The following NRG3 variants were observed in gnomAD, a reference collection of about 807,000 sequenced individuals.
The protein encoded by NRG3 is neuregulin 3.
NRG3 carries 31 observed loss-of-function variants against 66.9 expected under a neutral mutation model. That is an observed-to-expected ratio of 0.46 (90% CI 0.35 to 0.63). NRG3 has a LOEUF of 0.63. Ranked by LOEUF, NRG3 falls within the 20% of genes least tolerant of loss-of-function variation. NRG3 has a pLI of 0.00. For missense variants in NRG3, 910 were observed against 878.9 expected (o/e 1.04, Z -0.45); for synonymous variants, 393 against 359.4 (o/e 1.09, Z -1.06).
intron 3 of NRG3, among the ~76,000 whole-genome samples, chr10:82,742,030 A>G (rs535945): frequency 0.55 from 83,092 of 151,832 alleles, 23,410 homozygotes; most frequent in East Asian, 0.64. Context: ...CTGTATGCTC[A>G]GGAAATAAGC....
At chr10:82,157,474 T>C (rs899213376) in intron 1 of NRG3, among the ~76,000 whole-genome samples, 1 of 151,720 alleles carries the variant, frequency 6.6e-6, no homozygotes. Flanking sequence ...TATGTCAAGG[T>C]CAAACTGATA....
At chr10:82,419,372 TG>T (rs1364951672) in intron 2 of NRG3, among the ~76,000 whole-genome samples, 6 of 152,190 alleles carry the variant, frequency 3.9e-5, no homozygotes, top group Non-Finnish European at 8.8e-5. Flanking sequence ...TGCTTAGGTT[TG>T]GAACAACACA....
intron 6 of NRG3, among the ~76,000 whole-genome samples, chr10:82,964,787 C>G (rs1851043644): frequency 6.6e-6 from 1 of 152,170 alleles, no homozygotes; most frequent in Non-Finnish European, 1.5e-5. Flanking sequence ...GGTTCCAGAC[C>G]AGGCGATTAT....
intron 2 of NRG3, among the ~76,000 whole-genome samples, chr10:82,626,821 C>T (rs1462372665): frequency 6.6e-6 from 1 of 152,066 alleles, no homozygotes. Flanking sequence ...TACCTCTCTT[C>T]TTCCTGGTTC....
intron 2 of NRG3, among the ~76,000 whole-genome samples, chr10:82,448,062 C>A (rs989870245): frequency 3.9e-5 from 6 of 152,152 alleles, no homozygotes; most frequent in African/African-American, 1.4e-4. Context: ...AGGAAGCATT[C>A]AAAAATTATC....
chr10:82,548,518 G>GTC (rs199627235), intron 2 of NRG3, among the ~76,000 whole-genome samples: 24 of 120,602 alleles, frequency 2.0e-4, no homozygotes, highest in African/African-American at 3.7e-4. Context: ...AATACATTCT[G>GTC]TCTCTCACAC....
intron 1 of NRG3, among the ~76,000 whole-genome samples, chr10:81,908,772 T>C (rs1844836919): frequency 6.6e-6 from 1 of 152,190 alleles, no homozygotes; most frequent in African/African-American, 2.4e-5. Flanking sequence ...TTGAGCACTT[T>C]CATGAATGCA....
At chr10:82,776,606 C>A (rs981087662) in intron 3 of NRG3, among the ~76,000 whole-genome samples, 5 of 151,876 alleles carry the variant, frequency 3.3e-5, no homozygotes, top group African/African-American at 1.2e-4. Flanking sequence ...CATAGACTTT[C>A]TTTTTCTTCA....
intron 3 of NRG3, among the ~76,000 whole-genome samples, chr10:82,761,922 C>CTCTTTCTTTCTCTTTCTTTCTTTCTT (rs1555028703): frequency 8.1e-6 from 1 of 123,784 alleles, no homozygotes; most frequent in African/African-American, 3.0e-5. Context: ...TTCTTTCTTT[C>CTCTTTCTTTCTCTTTCTTTCTTTCTT]TCTTTCTTTC....
chr10:81,990,835 G>GA (rs2060711612), intron 1 of NRG3, among the ~76,000 whole-genome samples: 1 of 151,868 alleles, frequency 6.6e-6, no homozygotes, highest in South Asian at 2.1e-4. Flanking sequence ...TTCCTCTTAA[G>GA]AAAAATCCCG....
rs183532545 is a variant in NRG3, at chr10:82,087,239, G to A, written c.823+211076G>A. On this transcript the variant is annotated intron_variant, in intron 1 of 8. Transcript: ENST00000372141. ...AAGACTTTATGGACATAAGACCTAA[G>A]TCAGAGTTTTAAAAATGGTTCTCAG... 1.5e-4 allele frequency among the ~76,000 whole-genome samples: 23 copies of A among 152,152 alleles called. 1 individual carries two copies. In the East Asian group the frequency reaches 4.1e-3, roughly 27 times the overall value.
At chr10:82,842,567 T>C (rs1427669718) in intron 3 of NRG3, among the ~76,000 whole-genome samples, 1 of 152,168 alleles carries the variant, frequency 6.6e-6, no homozygotes, top group Non-Finnish European at 1.5e-5. Context: ...TAACCCTGTC[T>C]TTGCTGTGTA....
intron 2 of NRG3, among the ~76,000 whole-genome samples, chr10:82,462,337 G>T (rs2091555110): frequency 6.6e-6 from 1 of 151,720 alleles, no homozygotes; most frequent in Non-Finnish European, 1.5e-5. Flanking sequence ...TTCTTCTTCT[G>T]TCTCTGCTGC....
intron 2 of NRG3, among the ~76,000 whole-genome samples, chr10:82,656,938 T>G (rs998681951): frequency 2.0e-5 from 3 of 152,116 alleles, no homozygotes; most frequent in African/African-American, 7.2e-5. Flanking sequence ...TTCTCTCTCG[T>G]CTCTGGCTCT....
intron 1 of NRG3, among the ~76,000 whole-genome samples, chr10:82,324,039 A>AT (rs898466598): frequency 4.0e-5 from 6 of 151,640 alleles, no homozygotes; most frequent in Non-Finnish European, 5.9e-5. Context: ...TAATTTTTGT[A>AT]TTTTTTGTAG....
intron 1 of NRG3, among the ~76,000 whole-genome samples, chr10:82,339,121 G>T (rs183616681): frequency 6.6e-6 from 1 of 152,174 alleles, no homozygotes; most frequent in Non-Finnish European, 1.5e-5. Context: ...ATCTGATTGC[G>T]TATCCCTAAG....
chr10:82,323,283 T>C (rs1393313150), intron 1 of NRG3, among the ~76,000 whole-genome samples: 3 of 152,204 alleles, frequency 2.0e-5, no homozygotes, highest in Non-Finnish European at 4.4e-5. Flanking sequence ...ACTGATTCTT[T>C]TTTATACATC....
At position 81,876,240 on chromosome 10, in the gene NRG3, C is replaced by T. The variant is rs867193056; in HGVS notation, c.823+77C>T. 1.2e-5 allele frequency: 18 copies of T among 1,486,306 alleles called. No homozygotes were observed. The Middle Eastern group carries it at 1.8e-3, about 145-fold the overall frequency. The allele number at this position is 1,486,306 out of a possible 1,614,324, so 92.1% of individuals were successfully genotyped here. A position where few individuals can be genotyped will look rare whatever the true frequency, so the allele number is the denominator to read the frequency against. On this transcript the variant is annotated intron_variant, in intron 1 of 8. Transcript: ENST00000372141. Reference sequence around the variant, plus strand: ...CCCTCCTGCTGTCTTTTTCCCTCGCCGCCTGTTTTCTAGCAAGCCCCCTCC... The same window carrying T: ...CCCTCCTGCTGTCTTTTTCCCTCGCTGCCTGTTTTCTAGCAAGCCCCCTCC...
chr10:82,715,348 G>A (rs907863053), intron 2 of NRG3, among the ~76,000 whole-genome samples: 7 of 152,144 alleles, frequency 4.6e-5, no homozygotes, highest in East Asian at 1.9e-4. Context: ...AGTGAGCTGA[G>A]ATCTCGCCAC....
Sources: gnomAD v4.1 joint callset for allele counts (sites outside exome capture counted in the v4.1 genomes callset) on GRCh38, gnomAD v4.1.1 for gene constraint, MANE v1.5 for transcripts, NCBI Gene and HGNC (gene_info 2026-07-23, HGNC 2026-07-21) for gene names.